Variants in SPTA1 observed in about 807,000 individuals in gnomAD.
SPTA1 encodes spectrin alpha chain, erythrocytic 1.
A neutral mutation model predicts 324.7 loss-of-function variants in SPTA1; 177 were observed. The observed-to-expected ratio is 0.55, with a 90% CI of 0.48 to 0.62. The LOEUF (loss-of-function observed/expected upper bound fraction) is 0.62, where lower values mean the gene tolerates loss of function less well. SPTA1 is among the 20% of genes least tolerant of loss of function. The probability of loss-of-function intolerance (pLI) is 0.00; values close to 1 mark genes in which losing one functional copy is unlikely to be tolerated. For synonymous variants in SPTA1, 1,195 were observed against 1,041.3 expected, an observed-to-expected ratio of 1.15 and a Z score of -2.84; for missense variants, 3,162 against 2,883.6, an observed-to-expected ratio of 1.10 and a Z score of -2.21.
chr1:158,671,935 C>G, intron 11 of SPTA1, 124 bp downstream of exon 11: 2 of 1,248,964 alleles, frequency 1.6e-6, no homozygotes, highest in Non-Finnish European at 2.3e-6. Flanking sequence ...TGTGGATCAC[C>G]CTTTAGTTCC....
chr1:158,676,014 C>A, intron 8 of SPTA1, 127 bp downstream of exon 8: 1 of 1,247,292 alleles, frequency 8.0e-7, no homozygotes. Context: ...AATATTTTGT[C>A]TCTACTGAGC....
intron 39 of SPTA1, among the ~76,000 whole-genome samples, chr1:158,631,137 A>G (rs1650646221): frequency 6.6e-6 from 1 of 152,218 alleles, no homozygotes; most frequent in South Asian, 2.1e-4. Flanking sequence ...AAAAGAAGTC[A>G]TTTATGAAAA....
chr1:158,636,881 A>G (rs1464839554), intron 36 of SPTA1, 120 bp from the exon 37 acceptor site: 4 of 1,571,202 alleles, frequency 2.5e-6, no homozygotes, highest in Non-Finnish European at 3.5e-6. Flanking sequence ...TAAATTCTGT[A>G]ATACCCTGGT....
Position 158,686,715 on chromosome 1 carries a change from T to A in SPTA1, c.-198A>T. 2 of 501,514 alleles carry A rather than the reference T, an allele frequency of 4.0e-6. No homozygotes were observed. The highest frequency in any genetic ancestry group is 7.1e-6 in the Non-Finnish European group (2 of 280,560). 31.1% of individuals were successfully genotyped at this position (501,514 alleles called of 1,614,324 possible). ...CAATCGACATTATCTTTAGAAGACATACTCAGCTGAGGCAACTGCTAAGTT... is the reference window on the plus strand; with the variant it reads ...CAATCGACATTATCTTTAGAAGACAAACTCAGCTGAGGCAACTGCTAAGTT... On this transcript the variant is annotated 5_prime_UTR_variant, in exon 1 of 52. It removes an upstream start codon present in the reference 5' UTR. Transcript: ENST00000643759.
intron 2 of SPTA1, among the ~76,000 whole-genome samples, chr1:158,684,873 T>C (rs1444250179): frequency 6.6e-6 from 1 of 152,140 alleles, no homozygotes; most frequent in African/African-American, 2.4e-5. Flanking sequence ...ACTGCTGCTT[T>C]TTGTTTGATT....
intron 32 of SPTA1, 37 bp from the exon 33 acceptor site, chr1:158,642,579 T>C: frequency 6.2e-7 from 1 of 1,611,756 alleles, no homozygotes; most frequent in Non-Finnish European, 8.5e-7. Context: ...TATTATCTTT[T>C]TATTTATGGT....
intron 27 of SPTA1, among the ~76,000 whole-genome samples, chr1:158,646,200 G>C (rs1238864279): frequency 1.3e-5 from 2 of 152,146 alleles, no homozygotes; most frequent in African/African-American, 4.8e-5. Context: ...AGTTAGACGA[G>C]CAAAACTAAG....
chr1:158,658,465 T>C (rs1034492812), intron 18 of SPTA1, among the ~76,000 whole-genome samples: 2 of 152,206 alleles, frequency 1.3e-5, no homozygotes, highest in Non-Finnish European at 2.9e-5. Context: ...AAACAACTTC[T>C]AGGCCTCAAT....
At chr1:158,612,792 G>A (rs1228865557) in intron 51 of SPTA1, 25 bp downstream of exon 51, 1 of 1,613,258 alleles carries the variant, frequency 6.2e-7, no homozygotes, top group Non-Finnish European at 8.5e-7. Flanking sequence ...TGACAGTGTA[G>A]TAGGGGAAGC....
Position 158,659,595 on chromosome 1 carries a change from A to ATTATTATTTTTTTTTTTTTTTTTTTTT in SPTA1, c.2587+1691_2587+1692insAAAAAAAAAAAAAAAAAAAAATAATAA, listed in dbSNP as rs1345384278. On this transcript the variant is annotated intron_variant, in intron 18 of 51. Coordinates refer to ENST00000643759, the MANE Select transcript of SPTA1 (RefSeq NM_003126.4). ...AAAAGAAAATAATAGTCTTAGCATT[A>ATTATTATTTTTTTTTTTTTTTTTTTTT]TTTTTTTTTTTTTTTTTTTTTTTTT... 4.4e-5 allele frequency among the ~76,000 whole-genome samples: 3 copies of ATTATTATTTTTTTTTTTTTTTTTTTTT among 68,716 alleles called. 1 individual carries two copies. The highest frequency in any genetic ancestry group is 1.0e-4 in the Non-Finnish European group (3 of 30,038). The allele number at this position is 68,716 out of a possible 152,430, so 45.1% of individuals were successfully genotyped here.
intron 39 of SPTA1, among the ~76,000 whole-genome samples, chr1:158,631,322 T>C (rs1650660161): frequency 2.0e-5 from 3 of 152,002 alleles, no homozygotes; most frequent in South Asian, 2.1e-4. Flanking sequence ...CTGGATGGAG[T>C]TGGGGGGCCA....
At chr1:158,612,264 C>T (rs1266034887) in intron 51 of SPTA1, 1 of 169,178 alleles carries the variant, frequency 5.9e-6, no homozygotes, top group African/African-American at 2.4e-5. Flanking sequence ...CGTCCTTCAA[C>T]ACTCACCCTG....
intron 2 of SPTA1, 104 bp downstream of exon 2, chr1:158,685,004 A>G (rs2101957299): frequency 3.6e-6 from 5 of 1,370,396 alleles, no homozygotes; most frequent in Non-Finnish European, 2.1e-6. Context: ...AACGGAATCT[A>G]ATTGTACCCA....
Position 158,614,287 on chromosome 1 carries a change from C to T in SPTA1, c.6808G>A (p.Glu2270Lys), listed in dbSNP as rs756666462. The change falls in exon 49 of 52, where the codon GAA (glutamate) becomes AAA (lysine). Residue 2270 changes from glutamate (E) to lysine (K), a missense_variant. Transcript: ENST00000643759. ...IQAKDIKGVS[E>K]ETLKEFSTIY... is the part of the protein sequence containing the mutation. ...GTGCTAAATTCCTTTAGAGTCTCTT[C>T]ACTCACACCTTTGATGTCCCTGAAA... The T allele has an allele frequency of 6.3e-7, 1 of 1,588,968 alleles. No homozygotes were observed. The highest frequency in any genetic ancestry group is 8.6e-7 in the Non-Finnish European group (1 of 1,158,988).
intron 44 of SPTA1, 37 bp from the exon 45 acceptor site, chr1:158,619,371 G>A (rs898851240): frequency 1.4e-5 from 22 of 1,599,596 alleles, no homozygotes; most frequent in Admixed American, 1.0e-4. Context: ...GACTGACATC[G>A]AAGGCCTTTC....
intron 21 of SPTA1, among the ~76,000 whole-genome samples, chr1:158,653,767 G>A (rs1201416439): frequency 6.6e-6 from 1 of 151,908 alleles, no homozygotes; most frequent in Admixed American, 6.5e-5. Context: ...TTTCTTGGCA[G>A]TGGAGCGTCT....
rs766350007 is a variant in SPTA1, at chr1:158,680,607, G to A, written c.654C>T (p.Asn218=). Residue 218 remains asparagine, a synonymous_variant, in exon 5 of 52, where the codon AAC becomes AAT. Transcript: ENST00000643759. ...CCTCGGCACACTCATTGGCATATTG[G>A]TTCACTTCAACAACTCTCCCTTCTT... ...VAKEGRVVEV[N]QYANECAEEN... 3.1e-6 allele frequency: 5 copies of A among 1,613,834 alleles called. No homozygotes were observed. The highest frequency in any genetic ancestry group is 1.1e-5 in the South Asian group (1 of 91,068).
chr1:158,620,412 A>G lies in SPTA1; in HGVS notation c.6175T>C (p.Cys2059Arg), dbSNP rs776112180. 3 of 1,613,692 alleles carry G rather than the reference A, an allele frequency of 1.9e-6. No individual in the cohort carries two copies. In the South Asian group the frequency reaches 3.3e-5, roughly 18 times the overall value. Residue 2059 changes from cysteine to arginine, a missense_variant, in exon 44 of 52, where the codon TGT becomes CGT. Transcript: ENST00000643759. ...AHKASALNNW[C>R]EKMEENLSEP... is the part of the protein sequence containing the mutation. ...GACAAGTTTTCTTCCATCTTTTCAC[A>G]CCAGTTGTTCAAAGCTGAAGCCTTA...
Position 158,667,911 on chromosome 1 carries a change from A to T in SPTA1, c.1985T>A (p.Leu662Gln). The change falls in exon 15 of 52, where the codon CTG becomes CAG. Residue 662 changes from leucine to glutamine, a missense_variant. Physicochemically the swap from Leu to Gln is moderately radical, Grantham distance 113. Coordinates refer to ENST00000643759, the MANE Select transcript of SPTA1 (RefSeq NM_003126.4). ...HYASDNVTTR[L>Q]SEVASLWEEL... The stretch of plus-strand genomic sequence containing the variant: ...CTCCCAGAGGCTGGCAACTTCACTC[A>T]GACGAGTGGTCACATTGTCAGAGGC... The T allele has an allele frequency of 3.7e-6, 6 of 1,614,024 alleles. No individual in the cohort carries two copies. Among genetic ancestry groups the T allele is most frequent in the Non-Finnish European group, 5.1e-6 (6 of 1,179,980 alleles).
Sources: allele counts gnomAD v4.1 joint callset (sites outside exome capture counted in the v4.1 genomes callset), GRCh38; gene constraint gnomAD v4.1.1; transcripts MANE v1.5; gene names NCBI Gene and HGNC (gene_info 2026-07-23, HGNC 2026-07-21).